MAGI2: variants seen among roughly 807,000 people sequenced by gnomAD.
MAGI2 encodes the protein membrane-associated guanylate kinase, WW and PDZ domain-containing protein 2.
Under a neutral mutation model 133.3 loss-of-function variants are expected in MAGI2, and 35 were observed. The observed-to-expected ratio is 0.26, with a 90% CI of 0.20 to 0.35. The LOEUF (loss-of-function observed/expected upper bound fraction) is 0.35, where lower values mean the gene tolerates loss of function less well. Among genes scored for constraint, MAGI2 ranks in the 10% least tolerant of loss-of-function variants. The probability of loss-of-function intolerance (pLI) is 1.00; values close to 1 mark genes in which losing one functional copy is unlikely to be tolerated. For synonymous variants in MAGI2, 729 were observed against 710.6 expected (o/e 1.03, Z -0.41); for missense variants, 1,636 against 1,863.4 (o/e 0.88, Z 2.25).
intron 1 of MAGI2, among the ~76,000 whole-genome samples, chr7:79,247,499 G>A (rs1832909952): frequency 6.6e-6 from 1 of 152,050 alleles, no homozygotes; most frequent in East Asian, 1.9e-4. Context: ...TGTGGTCCCA[G>A]CTGCTTGGGA....
chr7:78,124,877 T>TC (rs1820823279), intron 20 of MAGI2, among the ~76,000 whole-genome samples: 1 of 122,138 alleles, frequency 8.2e-6, no homozygotes, highest in Non-Finnish European at 1.8e-5. Flanking sequence ...TTTTTTTTTT[T>TC]CTTGAGACAG....
intron 2 of MAGI2, among the ~76,000 whole-genome samples, chr7:78,636,976 G>C (rs984477367): frequency 6.6e-6 from 1 of 152,124 alleles, no homozygotes; most frequent in Non-Finnish European, 1.5e-5. Flanking sequence ...GTTTTCAGGC[G>C]ATGCCTCTGA....
chr7:78,410,634 TA>T (rs1236121549), intron 6 of MAGI2, among the ~76,000 whole-genome samples: 1 of 152,032 alleles, frequency 6.6e-6, no homozygotes, highest in Non-Finnish European at 1.5e-5. Context: ...AAATCCATAA[TA>T]ATTAAATGAT....
At chr7:79,392,781 T>A (rs1220657125) in intron 1 of MAGI2, among the ~76,000 whole-genome samples, 1 of 152,216 alleles carries the variant, frequency 6.6e-6, no homozygotes, top group Non-Finnish European at 1.5e-5. Context: ...TAATTCTGAT[T>A]TTCCAAATTT....
At chr7:78,741,503 A>T (rs2151254862) in intron 2 of MAGI2, among the ~76,000 whole-genome samples, 1 of 151,442 alleles carries the variant, frequency 6.6e-6, no homozygotes, top group Middle Eastern at 3.4e-3. Context: ...AATGACATTG[A>T]GGGATTCTGA....
chr7:78,591,848 C>T (rs1804036217), intron 3 of MAGI2, among the ~76,000 whole-genome samples: 1 of 152,110 alleles, frequency 6.6e-6, no homozygotes, highest in African/African-American at 2.4e-5. Context: ...AAGATAAGAA[C>T]ATAAGAATCA....
At chr7:78,767,177 A>C (rs1825115611) in intron 2 of MAGI2, among the ~76,000 whole-genome samples, 1 of 151,934 alleles carries the variant, frequency 6.6e-6, no homozygotes, top group African/African-American at 2.4e-5. Context: ...TTTTCAATAG[A>C]GACGGGTTTC....
chr7:79,060,394 T>C (rs1449329132), intron 1 of MAGI2, among the ~76,000 whole-genome samples: 1 of 152,100 alleles, frequency 6.6e-6, no homozygotes. Context: ...AATGTAATAA[T>C]GGTAGTTACC....
chr7:79,315,247 C>T (rs557206822), intron 1 of MAGI2, among the ~76,000 whole-genome samples: 1 of 151,252 alleles, frequency 6.6e-6, no homozygotes, highest in East Asian at 1.9e-4. Flanking sequence ...CAACCTACAC[C>T]TCTTGGGTTC....
In MAGI2 at chr7:79,277,811, T is replaced by C. The variant is rs146425103; in HGVS notation, c.301+175209A>G. On this transcript the variant is annotated intron_variant, in intron 1 of 21. Transcript: ENST00000354212. ...TCCTTGAGATGTAAATCTTCTACAA[T>C]CCAGAAATTACTTTCTGAAAAACCT... Among the ~76,000 whole-genome samples, 714 of 152,222 alleles carry C rather than the reference T, an allele frequency of 4.7e-3. 4 individuals carry two copies. The highest frequency in any genetic ancestry group is 6.3e-3 in the Non-Finnish European group (431 of 68,022).
At chr7:78,458,134 A>G (rs1020122653) in intron 6 of MAGI2, among the ~76,000 whole-genome samples, 6 of 151,876 alleles carry the variant, frequency 4.0e-5, no homozygotes, top group Admixed American at 3.3e-4. Context: ...CGTCTCTACT[A>G]AAAATACAGT....
chr7:79,193,675 T>G (rs1425575691), intron 1 of MAGI2, among the ~76,000 whole-genome samples: 2 of 151,882 alleles, frequency 1.3e-5, no homozygotes, highest in Non-Finnish European at 2.9e-5. Flanking sequence ...AGAGAGGGAC[T>G]GTGGAAGAAA....
At chr7:79,452,043 T>C (rs1238441670) in intron 1 of MAGI2, among the ~76,000 whole-genome samples, 10 of 152,132 alleles carry the variant, frequency 6.6e-5, no homozygotes, top group South Asian at 2.1e-4. Flanking sequence ...CAGCCTCCAA[T>C]TGAGGTTCAT....
At chr7:78,429,031 C>G (rs568881454) in intron 6 of MAGI2, among the ~76,000 whole-genome samples, 85 of 152,186 alleles carry the variant, frequency 5.6e-4, no homozygotes, top group Middle Eastern at 3.4e-3. Context: ...GGTAGCACTT[C>G]AAAGCACAAT....
chr7:78,775,173 C>T (rs1825886349), intron 2 of MAGI2, among the ~76,000 whole-genome samples: 3 of 151,234 alleles, frequency 2.0e-5, no homozygotes, highest in Non-Finnish European at 2.9e-5. Context: ...ATGAGCCAGG[C>T]GTGGTGGCAG....
intron 7 of MAGI2, chr7:78,359,458 A>G (rs1792541085): frequency 1.3e-5 from 2 of 152,246 alleles, no homozygotes; most frequent in African/African-American, 2.4e-5. Context: ...AAAGAAAAAA[A>G]TAGTTCTTAT....
At chr7:78,151,557 A>C (rs1823873909) in intron 16 of MAGI2, among the ~76,000 whole-genome samples, 1 of 152,162 alleles carries the variant, frequency 6.6e-6, no homozygotes, top group South Asian at 2.1e-4. Flanking sequence ...AGAGGCAAAA[A>C]GACAGCTTCC....
intron 2 of MAGI2, chr7:78,946,932 T>C (rs948539948): frequency 4.6e-5 from 7 of 152,144 alleles, no homozygotes; most frequent in African/African-American, 1.4e-4. Flanking sequence ...TCGTCCAGAT[T>C]TTCCTGGCCA....
At chr7:78,603,452 A>C (rs564577238) in intron 3 of MAGI2, among the ~76,000 whole-genome samples, 7 of 152,334 alleles carry the variant, frequency 4.6e-5, no homozygotes, top group African/African-American at 1.7e-4. Context: ...CATTGAAAGA[A>C]GAGTGACCTT....
Sources: gnomAD v4.1 joint callset for allele counts (sites outside exome capture counted in the v4.1 genomes callset) on GRCh38, gnomAD v4.1.1 for gene constraint, MANE v1.5 for transcripts, NCBI Gene and HGNC (gene_info 2026-07-23, HGNC 2026-07-21) for gene names.